Variants in PDE8A observed in about 807,000 individuals in gnomAD.
PDE8A encodes the protein high affinity cAMP-specific and IBMX-insensitive 3',5'-cyclic phosphodiesterase 8A.
In PDE8A, 59 loss-of-function variants were observed where a neutral mutation model predicts 105.0. The observed-to-expected ratio is 0.56, with a 90% CI of 0.46 to 0.70. PDE8A has a LOEUF of 0.70. PDE8A is among the 30% of genes least tolerant of loss of function. PDE8A has a pLI of 0.00. For missense variants in PDE8A, 1,014 were observed against 1,045.9 expected (o/e 0.97, Z 0.42); for synonymous variants, 355 against 371.9 (o/e 0.95, Z 0.52).
intron 15 of PDE8A, 200 bp downstream of exon 15, chr15:85,115,687 C>G: frequency 3.7e-6 from 2 of 539,608 alleles, no homozygotes; most frequent in Non-Finnish European, 6.5e-6. Context: ...CTCACACCGC[C>G]GAGATGGGCA....
At chr15:85,076,479 T>C (rs557034257) in intron 4 of PDE8A, among the ~76,000 whole-genome samples, 1 of 152,044 alleles carries the variant, frequency 6.6e-6, no homozygotes, top group East Asian at 1.9e-4. Context: ...TAAAAAGATA[T>C]ATGAACACTC....
intron 1 of PDE8A, among the ~76,000 whole-genome samples, chr15:85,038,714 T>C (rs554895877): frequency 6.6e-6 from 1 of 152,314 alleles, no homozygotes; most frequent in South Asian, 2.1e-4. Flanking sequence ...GATATACAGA[T>C]GGCTAACAGA....
At chr15:85,081,084 G>T (rs2141495770) in intron 5 of PDE8A, among the ~76,000 whole-genome samples, 1 of 152,356 alleles carries the variant, frequency 6.6e-6, no homozygotes, top group East Asian at 1.9e-4. Context: ...CTGAGAAGAA[G>T]AGTTAGACCT....
chr15:85,055,995 G>T (rs908159684), intron 1 of PDE8A, among the ~76,000 whole-genome samples: 4 of 152,186 alleles, frequency 2.6e-5, no homozygotes, highest in African/African-American at 9.7e-5. Context: ...CTCTTGTAAG[G>T]CAGGCCTGGT....
At chr15:85,126,581 A>G (rs2082262456) in intron 20 of PDE8A, among the ~76,000 whole-genome samples, 1 of 151,538 alleles carries the variant, frequency 6.6e-6, no homozygotes, top group Non-Finnish European at 1.5e-5. Context: ...TATTTTTGTT[A>G]GATATAGCAT....
chr15:85,096,174 C>T (rs1372590613), intron 8 of PDE8A, among the ~76,000 whole-genome samples: 1 of 152,162 alleles, frequency 6.6e-6, no homozygotes, highest in Non-Finnish European at 1.5e-5. Context: ...TGTGCCTGGC[C>T]TGAATATATT....
At chr15:85,039,232 C>A (rs2080760838) in intron 1 of PDE8A, among the ~76,000 whole-genome samples, 1 of 151,926 alleles carries the variant, frequency 6.6e-6, no homozygotes, top group Non-Finnish European at 1.5e-5. Context: ...TCCAGACCAG[C>A]CTGAGCAACC....
At chr15:85,088,747 A>G (rs1004705495) in intron 6 of PDE8A, among the ~76,000 whole-genome samples, 1 of 151,910 alleles carries the variant, frequency 6.6e-6, no homozygotes, top group Non-Finnish European at 1.5e-5. Flanking sequence ...GTTAATGTTT[A>G]TTTTCTAATT....
intron 6 of PDE8A, 90 bp from the exon 7 acceptor site, chr15:85,089,248 G>A: frequency 1.4e-6 from 1 of 734,452 alleles, no homozygotes; most frequent in South Asian, 1.7e-5. Context: ...TTATAAATCG[G>A]ACAAAAAATA....
rs1210628939 is a variant in PDE8A at position 85,043,061 on chromosome 15, A to G, written c.187-21309A>G. On this transcript the variant is annotated intron_variant, in intron 1 of 21. Coordinates refer to ENST00000394553, the MANE Select transcript of PDE8A (RefSeq NM_002605.3). ...GGATGCTAGTAGTGATCAGGTATGC[A>G]GGCAAACAGCTGTAGAACCTCCAGA... is the stretch of plus-strand genomic sequence containing the variant. 3.4e-5 allele frequency among the ~76,000 whole-genome samples: 5 copies of G among 148,442 alleles called. No individual in the cohort carries two copies. In the East Asian group the frequency reaches 9.7e-4, roughly 29 times the overall value.
intron 1 of PDE8A, among the ~76,000 whole-genome samples, chr15:84,989,925 A>AT (rs1283101477): frequency 6.6e-6 from 1 of 152,128 alleles, no homozygotes; most frequent in Admixed American, 6.5e-5. Flanking sequence ...AGTTTTCTAT[A>AT]TTTGTCTTAT....
At chr15:85,099,952 T>C in intron 9 of PDE8A, 63 bp from the exon 10 acceptor site, 1 of 1,356,246 alleles carries the variant, frequency 7.4e-7, no homozygotes, top group East Asian at 2.3e-5. Context: ...AATGAAAAAT[T>C]AACGACATAT....
intron 1 of PDE8A, among the ~76,000 whole-genome samples, chr15:84,986,364 C>G (rs1478553905): frequency 6.6e-6 from 1 of 152,124 alleles, no homozygotes; most frequent in East Asian, 1.9e-4. Flanking sequence ...TCTAGTTGGT[C>G]CATTTCTGTT....
chr15:85,018,458 C>T (rs918995651), intron 1 of PDE8A, among the ~76,000 whole-genome samples: 3 of 152,156 alleles, frequency 2.0e-5, no homozygotes, highest in Non-Finnish European at 2.9e-5. Context: ...CTTTAAGCAA[C>T]GTCAATCTCT....
intron 1 of PDE8A, among the ~76,000 whole-genome samples, chr15:85,019,943 G>GTTTTTTTT (rs201634002): frequency 2.3e-4 from 15 of 64,760 alleles, no homozygotes; most frequent in South Asian, 1.5e-3. Context: ...TTTTTTTTTG[G>GTTTTTTTT]TTTTTTTTTT....
intron 1 of PDE8A, among the ~76,000 whole-genome samples, chr15:85,046,166 C>G (rs1484782009): frequency 2.7e-5 from 4 of 149,408 alleles, no homozygotes; most frequent in African/African-American, 9.8e-5. Flanking sequence ...CTCCCAGGTT[C>G]AATCCCTCCT....
chr15:85,096,451 C>T (rs1195048855), intron 8 of PDE8A, among the ~76,000 whole-genome samples: 1 of 152,086 alleles, frequency 6.6e-6, no homozygotes, highest in Non-Finnish European at 1.5e-5. Context: ...TGGCGAGAAC[C>T]TGTCTCAAAA....
At chr15:85,069,708 C>T (rs1194161182) in intron 3 of PDE8A, among the ~76,000 whole-genome samples, 1 of 152,214 alleles carries the variant, frequency 6.6e-6, no homozygotes, top group African/African-American at 2.4e-5. Flanking sequence ...GTCCCCTCCA[C>T]TGTGCTAGCC....
intron 1 of PDE8A, among the ~76,000 whole-genome samples, chr15:85,040,206 G>A (rs539477466): frequency 2.1e-4 from 32 of 151,950 alleles, no homozygotes; most frequent in African/African-American, 7.7e-4. Flanking sequence ...TACTTGGGAG[G>A]CTGAGGCAGG....
Sources: gnomAD v4.1 joint callset for allele counts (sites outside exome capture counted in the v4.1 genomes callset) on GRCh38, gnomAD v4.1.1 for gene constraint, MANE v1.5 for transcripts, NCBI Gene and HGNC (gene_info 2026-07-23, HGNC 2026-07-21) for gene names.